Variants in RBBP6 observed in about 807,000 individuals in gnomAD.
The protein encoded by RBBP6 is E3 ubiquitin-protein ligase RBBP6.
RBBP6 carries 25 observed loss-of-function variants against 167.7 expected under a neutral mutation model. That is an observed-to-expected ratio of 0.15 (90% confidence interval 0.11 to 0.21). RBBP6 has a LOEUF of 0.21. Ranked by LOEUF, RBBP6 falls within the 10% of genes least tolerant of loss-of-function variation. The pLI, the probability that RBBP6 is intolerant of heterozygous loss-of-function variation, is 1.00. For synonymous variants in RBBP6, 789 were observed against 735.8 expected (o/e 1.07, Z -1.17); for missense variants, 1,868 against 2,134.2 (o/e 0.88, Z 2.46).
chr16:24,565,709 C>T (rs958997906), intron 14 of RBBP6, among the ~76,000 whole-genome samples: 14 of 152,270 alleles, frequency 9.2e-5, no homozygotes, highest in African/African-American at 2.4e-4. Flanking sequence ...GGTGCCAAAA[C>T]GGTTGAGAAC....
At position 24,568,958 on chromosome 16, in the gene RBBP6, T is replaced by G; in HGVS notation, c.2268T>G (p.Ser756=). ...SRSRSHGYHR[S]RSRSPPYRRY... The stretch of plus-strand genomic sequence containing the variant: ...CTAGATCTCATGGATATCATCGATC[T>G]AGGTCAAGGTCACCCCCTTACAGAC... Residue 756 remains serine (S), a synonymous_variant, in exon 17 of 18, where the codon TCT becomes TCG. Transcript: ENST00000319715. The G allele has an allele frequency of 6.2e-7, 1 of 1,614,192 alleles. No individual in the cohort carries two copies. The highest frequency in any genetic ancestry group is 8.5e-7 in the Non-Finnish European group (1 of 1,179,996).
chr16:24,561,555 C>A, intron 8 of RBBP6, 57 bp from the exon 9 acceptor site: 1 of 1,394,402 alleles, frequency 7.2e-7, no homozygotes, highest in Non-Finnish European at 1.0e-6. Flanking sequence ...TAATTCATTT[C>A]GTAAACACTT....
chr16:24,558,384 CTTTT>C, intron 7 of RBBP6: 1 of 532,662 alleles, frequency 1.9e-6, no homozygotes, highest in Non-Finnish European at 2.4e-6. Flanking sequence ...CTCTTTTTTT[CTTTT>C]TTTTTTTTTT....
In RBBP6 at chr16:24,561,711, G is replaced by A; in HGVS notation, c.947G>A (p.Arg316Gln). The change falls in exon 9 of 18, where the codon CGA (arginine) becomes CAA (glutamine). Residue 316 changes from arginine to glutamine, a missense_variant. This residue lies in a region of RBBP6 where 11 missense variants were observed against 69.7 expected (regional missense o/e 0.16). Transcript: ENST00000319715. ...PDALIANKFLRQAVNNFKNET... is the reference protein window; with the variant it reads ...PDALIANKFLQQAVNNFKNET... ...GCTTTAATTGCCAATAAATTTTTACGACAGGTAACTGTCTGTATCCATTTT... is the reference window on the plus strand; with the variant it reads ...GCTTTAATTGCCAATAAATTTTTACAACAGGTAACTGTCTGTATCCATTTT... 6.2e-7 allele frequency: 1 copy of A among 1,613,022 alleles called. No homozygotes were observed. Among genetic ancestry groups the A allele is most frequent in the Non-Finnish European group, 8.5e-7 (1 of 1,179,278 alleles).
At chr16:24,550,952 A>G (rs952632281) in intron 3 of RBBP6, among the ~76,000 whole-genome samples, 8 of 151,908 alleles carry the variant, frequency 5.3e-5, no homozygotes, top group African/African-American at 1.7e-4. Flanking sequence ...CAAAGTAAAT[A>G]GAGGCGCTAA....
chr16:24,572,267 A>C lies in RBBP6; in HGVS notation c.5201A>C (p.Glu1734Ala). The C allele has an allele frequency of 6.2e-7, 1 of 1,612,346 alleles. No homozygotes were observed. The highest frequency in any genetic ancestry group is 8.5e-7 in the Non-Finnish European group (1 of 1,179,170). ...AGCAAGAAGAAGAAGAAAAAGAAGG[A>C]AAAGAAAAAACACAAGAAACATAAA... ...QDSKKKKKKK[E>A]KKKHKKHKKH... The change falls in exon 18 of 18, where the codon GAA becomes GCA. Residue 1734 changes from glutamate (E) to alanine (A), a missense_variant. This residue lies in a region of RBBP6 where 591 missense variants were observed against 540.5 expected (regional missense o/e 1.09). Transcript: ENST00000319715.
rs1169323285 is a variant in RBBP6, at chr16:24,553,507, G to A, written c.304-6G>A. 6.2e-7 allele frequency: 1 copy of A among 1,609,852 alleles called. No homozygotes were observed. The highest frequency in any genetic ancestry group is 8.5e-7 in the Non-Finnish European group (1 of 1,176,916). On this transcript the variant is annotated splice_region_variant and splice_polypyrimidine_tract_variant and intron_variant, in intron 3 of 17. Transcript: ENST00000319715. ...CTTGAATGTGTGTTTAATTTTTTGT[G>A]AACAGATTGATGACTCTTCCGCGTC...
chr16:24,554,928 T>A (rs568459101), intron 4 of RBBP6: 55 of 152,258 alleles, frequency 3.6e-4, no homozygotes, highest in African/African-American at 1.2e-3. Flanking sequence ...TACAATAAAA[T>A]GTTAAAACTG....
At position 24,572,497 on chromosome 16, in the gene RBBP6, T is replaced by G; in HGVS notation, c.*52T>G. The stretch of plus-strand genomic sequence containing the variant: ...ATTACTAAGTCATCTGTATTAAATT[T>G]TGTTATAATGTAAAGAGATTCAAGC... On this transcript the variant is annotated 3_prime_UTR_variant, in exon 18 of 18. Coordinates refer to ENST00000319715, the MANE Select transcript of RBBP6 (RefSeq NM_006910.5). The G allele has an allele frequency of 6.8e-7, 1 of 1,478,428 alleles. No homozygotes were observed. Among genetic ancestry groups the G allele is most frequent in the Non-Finnish European group, 8.9e-7 (1 of 1,122,268 alleles). 91.6% of individuals were successfully genotyped at this position (1,478,428 alleles called of 1,614,324 possible).
intron 1 of RBBP6, among the ~76,000 whole-genome samples, chr16:24,542,445 A>G (rs1898524575): frequency 6.7e-6 from 1 of 149,592 alleles, no homozygotes; most frequent in African/African-American, 2.4e-5. Flanking sequence ...CGACCCAACA[A>G]TTGAATGCAG....
Position 24,571,711 on chromosome 16 carries a change from TATG to T in RBBP6, c.4648_4650del (p.Asp1550del), listed in dbSNP as rs1899344025. 6.2e-7 allele frequency: 1 copy of T among 1,614,136 alleles called. No individual in the cohort carries two copies. The highest frequency in any genetic ancestry group is 8.5e-7 in the Non-Finnish European group (1 of 1,180,014). On this transcript the variant is annotated inframe_deletion, in exon 18 of 18. Transcript: ENST00000319715. ...AAAACCTCATGATCACAAAGCCACT[TATG>T]ATACTAAACGGCCAAATGAAGAGAC...
In RBBP6 at chr16:24,567,260, C is replaced by T; in HGVS notation, c.1707C>T (p.Pro569=). ...VPPPPLYPPP[P]HTLPLPPGVP... ...CACCTCCTTTGTATCCGCCTCCTCCCCATACACTTCCTCTCCCTCCGGGTG... is the reference window on the plus strand; with the variant it reads ...CACCTCCTTTGTATCCGCCTCCTCCTCATACACTTCCTCTCCCTCCGGGTG... The change falls in exon 15 of 18, where the codon CCC becomes CCT. Residue 569 remains proline (P), a synonymous_variant. Transcript: ENST00000319715. 3 of 1,614,178 alleles carry T rather than the reference C, an allele frequency of 1.9e-6. No homozygotes were observed. Among genetic ancestry groups the T allele is most frequent in the Non-Finnish European group, 2.5e-6 (3 of 1,180,030 alleles).
chr16:24,549,166 T>C (rs1898737796), intron 3 of RBBP6, 185 bp downstream of exon 3: 2 of 1,441,054 alleles, frequency 1.4e-6, no homozygotes, highest in Non-Finnish European at 9.1e-7. Context: ...ACACTTATTT[T>C]GTAGAAATGG....
rs753693602 is a variant in RBBP6, at chr16:24,567,515, C to T, written c.1952+10C>T. On this transcript the variant is annotated intron_variant, in intron 15 of 17. Coordinates refer to ENST00000319715, the MANE Select transcript of RBBP6 (RefSeq NM_006910.5). ...GACGACTAAAAGAAGAGTATGTATT[C>T]TAATTTGAAATTATTATACACTTTT... 6.3e-7 allele frequency: 1 copy of T among 1,585,582 alleles called. No individual in the cohort carries two copies. Among genetic ancestry groups the T allele is most frequent in the Non-Finnish European group, 8.6e-7 (1 of 1,166,244 alleles).
intron 8 of RBBP6, among the ~76,000 whole-genome samples, chr16:24,560,170 T>G (rs1402066344): frequency 6.7e-6 from 1 of 148,382 alleles, no homozygotes; most frequent in Non-Finnish European, 1.5e-5. Context: ...AGTGCAGTGG[T>G]GTAATCTCGG....
chr16:24,560,192 C>G (rs1336714849), intron 8 of RBBP6, among the ~76,000 whole-genome samples: 7 of 149,910 alleles, frequency 4.7e-5, no homozygotes, highest in African/African-American at 1.7e-4. Context: ...TCACTGCATC[C>G]TCTGCCTTCT....
intron 10 of RBBP6, among the ~76,000 whole-genome samples, chr16:24,562,800 T>A (rs1025374588): frequency 6.6e-6 from 1 of 152,140 alleles, no homozygotes; most frequent in African/African-American, 2.4e-5. Context: ...TGGAATTTAT[T>A]TGGTTGATAG....
chr16:24,572,326 G>A lies in RBBP6; in HGVS notation c.5260G>A (p.Glu1754Lys). ...GAAGCATAAGAAACATGCAGGCACTGAAGTGGAATTGGAAAAAAGCCAAAA... is the reference window on the plus strand; with the variant it reads ...GAAGCATAAGAAACATGCAGGCACTAAAGTGGAATTGGAAAAAAGCCAAAA... ...HKKHKKHAGT[E>K]VELEKSQKHK... is the part of the protein sequence containing the mutation. The change falls in exon 18 of 18, where the codon GAA (glutamate) becomes AAA (lysine). Residue 1754 changes from glutamate (E) to lysine (K), a missense_variant. This residue lies in a region of RBBP6 where 591 missense variants were observed against 540.5 expected (regional missense o/e 1.09). Coordinates refer to ENST00000319715, the MANE Select transcript of RBBP6 (RefSeq NM_006910.5). 6.4e-7 allele frequency: 1 copy of A among 1,562,892 alleles called. No individual in the cohort carries two copies. Among genetic ancestry groups the A allele is most frequent in the Non-Finnish European group, 8.7e-7 (1 of 1,152,942 alleles).
rs751253519 is a variant in RBBP6, at chr16:24,548,901, C to T, written c.267-44C>T. On this transcript the variant is annotated intron_variant, in intron 2 of 17. Coordinates refer to ENST00000319715, the MANE Select transcript of RBBP6 (RefSeq NM_006910.5). ...GTTAAAATTTATTAGCACAAAAATT[C>T]ATAAATAGCTAATGTTAATTTTTGT... 1.1e-5 allele frequency: 16 copies of T among 1,489,558 alleles called. No individual in the cohort carries two copies. In the East Asian group the frequency reaches 3.0e-4, roughly 28 times the overall value. The allele number at this position is 1,489,558 out of a possible 1,614,324, so 92.3% of individuals were successfully genotyped here.
Sources: gnomAD v4.1 joint callset for allele counts (sites outside exome capture counted in the v4.1 genomes callset) on GRCh38, gnomAD v4.1.1 for gene constraint, gnomAD v4.1.1 regional missense constraint, MANE v1.5 for transcripts, NCBI Gene and HGNC (gene_info 2026-07-23, HGNC 2026-07-21) for gene names.